Variants in CDH8 observed in about 807,000 individuals in gnomAD.
The protein encoded by CDH8 is cadherin-8.
A neutral mutation model predicts 68.1 loss-of-function variants in CDH8; 17 were observed. The ratio of observed to expected loss-of-function variants is 0.25; its 90% CI spans 0.17 to 0.37. The LOEUF (loss-of-function observed/expected upper bound fraction) is 0.37. Ranked by LOEUF, CDH8 falls within the 10% of genes least tolerant of loss-of-function variation. The pLI, the probability that CDH8 is intolerant of heterozygous loss-of-function variation, is 1.00. For missense variants in CDH8, 763 were observed against 999.3 expected, an observed-to-expected ratio of 0.76 and a Z score of 3.19; for synonymous variants, 372 against 365.1, an observed-to-expected ratio of 1.02 and a Z score of -0.21.
intron 8 of CDH8, among the ~76,000 whole-genome samples, chr16:61,771,264 A>G (rs985514390): frequency 6.6e-6 from 1 of 151,912 alleles, no homozygotes; most frequent in African/African-American, 2.4e-5. Context: ...GTGGGTTTCT[A>G]TGGTATTCTG....
Position 61,665,752 on chromosome 16 carries a change from TTTCCTTCCTTCCTTCCTTCCTTCCTTCC to T in CDH8, c.1655-10059_1655-10032del, listed in dbSNP as rs35414891. On this transcript the variant is annotated intron_variant, in intron 10 of 11. Coordinates refer to ENST00000577390, the MANE Select transcript of CDH8 (RefSeq NM_001796.5). ...AATTTATCCCACAGTCTGAATTTAT[TTTCCTTCCTTCCTTCCTTCCTTCCTTCC>T]TTCCTTCCTTCCTTCCTTCCTTCCT... Among the ~76,000 whole-genome samples the T allele has an allele frequency of 6.2e-4, 62 of 99,740 alleles. No homozygotes were observed. In the East Asian group the frequency reaches 0.016, roughly 25 times the overall value. 65.4% of individuals were successfully genotyped at this position (99,740 alleles called of 152,430 possible).
At chr16:61,808,751 C>T (rs1961866167) in intron 7 of CDH8, among the ~76,000 whole-genome samples, 2 of 152,292 alleles carry the variant, frequency 1.3e-5, no homozygotes, top group South Asian at 4.1e-4. Flanking sequence ...GAAATTCAAA[C>T]TTCCAACAGT....
At chr16:61,811,904 T>C (rs900600765) in intron 7 of CDH8, among the ~76,000 whole-genome samples, 7 of 152,060 alleles carry the variant, frequency 4.6e-5, no homozygotes, top group Non-Finnish European at 8.8e-5. Context: ...AAAAAGAAAA[T>C]GGGGCATTGC....
chr16:61,876,369 G>A lies in CDH8; in HGVS notation c.548-19131C>T, dbSNP rs369019009. On this transcript the variant is annotated intron_variant, in intron 3 of 11. Coordinates refer to ENST00000577390, the MANE Select transcript of CDH8 (RefSeq NM_001796.5). ...CAATTTTACAAATCCCTTAACAGCTGAGAGTTGCTGTTTCCTAGTCCTCCA... is the reference window on the plus strand; with the variant it reads ...CAATTTTACAAATCCCTTAACAGCTAAGAGTTGCTGTTTCCTAGTCCTCCA... 3.9e-5 allele frequency among the ~76,000 whole-genome samples: 6 copies of A among 152,206 alleles called. 1 individual carries two copies. In the South Asian group the frequency reaches 1.2e-3, roughly 32 times the overall value.
chr16:61,706,753 G>C (rs1419218124), intron 10 of CDH8, among the ~76,000 whole-genome samples: 3 of 152,066 alleles, frequency 2.0e-5, no homozygotes, highest in African/African-American at 7.2e-5. Context: ...CTCATTGCCT[G>C]GTGTTTTTCT....
chr16:61,768,367 T>TCCCCCTTTCTCTCTCTCTCTCTCTCTCC (rs1567461154), intron 8 of CDH8, among the ~76,000 whole-genome samples: 1 of 80,620 alleles, frequency 1.2e-5, no homozygotes, highest in Non-Finnish European at 2.4e-5. Context: ...TCTCTCTCTC[T>TCCCCCTTTCTCTCTCTCTCTCTCTCTCC]CCCTTTCTCT....
intron 7 of CDH8, among the ~76,000 whole-genome samples, chr16:61,816,402 C>T (rs1962076071): frequency 6.6e-6 from 1 of 152,146 alleles, no homozygotes; most frequent in Non-Finnish European, 1.5e-5. Flanking sequence ...AGATAACTCA[C>T]TTTACCAGGG....
At chr16:61,923,863 T>A (rs1050767749) in intron 2 of CDH8, among the ~76,000 whole-genome samples, 3 of 147,662 alleles carry the variant, frequency 2.0e-5, no homozygotes, top group East Asian at 2.0e-4. Flanking sequence ...TTAAATATAT[T>A]ATATATTTAC....
At chr16:61,951,087 T>C (rs1302279677) in intron 2 of CDH8, among the ~76,000 whole-genome samples, 1 of 150,034 alleles carries the variant, frequency 6.7e-6, no homozygotes, top group Non-Finnish European at 1.5e-5. Context: ...TTTGGATAAC[T>C]AGTAATCATC....
rs1228956665 is a variant in CDH8, at chr16:61,803,194, G to A, written c.1278-13712C>T. Among the ~76,000 whole-genome samples, 3 of 103,018 alleles carry A rather than the reference G, an allele frequency of 2.9e-5. No homozygotes were observed. The East Asian group carries it at 7.0e-4, about 24-fold the overall frequency. The allele number at this position is 103,018 out of a possible 152,430, so 67.6% of individuals were successfully genotyped here. On this transcript the variant is annotated intron_variant, in intron 7 of 11. Transcript: ENST00000577390. ...CTTAAAGAAAAGAATTTTCAACCCA[G>A]AATTTCATATCCAGCCAAACTAAGC...
intron 8 of CDH8, among the ~76,000 whole-genome samples, chr16:61,761,337 G>T (rs569095785): frequency 6.6e-6 from 1 of 152,230 alleles, no homozygotes; most frequent in South Asian, 2.1e-4. Context: ...GTTTGATTTA[G>T]GAGTAAATTG....
At chr16:61,968,085 C>T (rs892185152) in intron 2 of CDH8, among the ~76,000 whole-genome samples, 11 of 152,198 alleles carry the variant, frequency 7.2e-5, no homozygotes, top group Admixed American at 6.5e-5. Context: ...GCTGGGATTA[C>T]ATAAGCAACC....
At position 61,993,792 on chromosome 16, in the gene CDH8, CTTCA is replaced by C. The variant is rs1334804154; in HGVS notation, c.252+27356_252+27359del. ...GTAAGTATACACAAATGCATGGACTCTTCATTCTTCTGTGTACACAAATAAAAAA... is the reference window on the plus strand; with the variant it reads ...GTAAGTATACACAAATGCATGGACTCTTCTTCTGTGTACACAAATAAAAAA... On this transcript the variant is annotated intron_variant, in intron 2 of 11. Transcript: ENST00000577390. Among the ~76,000 whole-genome samples, 3 of 152,044 alleles carry C rather than the reference CTTCA, an allele frequency of 2.0e-5. No individual in the cohort carries two copies. The East Asian group carries it at 5.8e-4, about 29-fold the overall frequency.
At chr16:61,818,295 T>C (rs1419235327) in intron 6 of CDH8, among the ~76,000 whole-genome samples, 5 of 152,162 alleles carry the variant, frequency 3.3e-5, no homozygotes, top group South Asian at 2.1e-4. Context: ...CTACTGATCA[T>C]GTGGTTAAAA....
intron 1 of CDH8, among the ~76,000 whole-genome samples, chr16:62,030,679 G>C (rs1382079048): frequency 6.6e-6 from 1 of 151,962 alleles, no homozygotes; most frequent in Non-Finnish European, 1.5e-5. Context: ...ATATTGTTCT[G>C]ACTGCAAATG....
intron 2 of CDH8, among the ~76,000 whole-genome samples, chr16:61,950,333 A>G (rs1347848921): frequency 6.6e-6 from 1 of 152,212 alleles, no homozygotes; most frequent in African/African-American, 2.4e-5. Context: ...TCTTCATAAG[A>G]AAGACAACTT....
chr16:61,934,272 GC>G lies in CDH8; in HGVS notation c.253-32800del, dbSNP rs1415791241. 7.2e-5 allele frequency: 11 copies of G among 152,262 alleles called. No homozygotes were observed. The East Asian group carries it at 1.9e-3, about 27-fold the overall frequency. 9.4% of individuals were successfully genotyped at this position (152,262 alleles called of 1,614,324 possible). On this transcript the variant is annotated intron_variant, in intron 2 of 11. Transcript: ENST00000577390. Reference sequence around the variant, plus strand: ...GCTTTAGAGGAAAAATATAAAACGTGCTTGGAAATCTGAACAAACGCCCACC... The same window carrying G: ...GCTTTAGAGGAAAAATATAAAACGTGTTGGAAATCTGAACAAACGCCCACC...
chr16:61,923,666 T>G (rs1473785626), intron 2 of CDH8, among the ~76,000 whole-genome samples: 3 of 150,954 alleles, frequency 2.0e-5, no homozygotes, highest in African/African-American at 7.3e-5. Flanking sequence ...ACCAGAATAT[T>G]GTCAGGTGAA....
intron 4 of CDH8, among the ~76,000 whole-genome samples, chr16:61,833,703 C>T (rs1437975008): frequency 6.6e-6 from 1 of 151,866 alleles, no homozygotes; most frequent in Non-Finnish European, 1.5e-5. Context: ...TTTGGATTTG[C>T]CATATACTTT....
Sources: gnomAD v4.1 joint callset for allele counts (sites outside exome capture counted in the v4.1 genomes callset) on GRCh38, gnomAD v4.1.1 for gene constraint, MANE v1.5 for transcripts, NCBI Gene and HGNC (gene_info 2026-07-23, HGNC 2026-07-21) for gene names.